Variants in MTUS2 observed in about 807,000 individuals in gnomAD.
MTUS2 encodes microtubule-associated tumor suppressor candidate 2.
MTUS2 carries 40 observed loss-of-function variants against 114.1 expected under a neutral mutation model. That is an observed-to-expected ratio of 0.35 (90% CI 0.27 to 0.46). The LOEUF is 0.46. MTUS2 is among the 20% of genes least tolerant of loss of function. The pLI is 1.00. For missense variants in MTUS2, 1,679 were observed against 1,705.4 expected, an observed-to-expected ratio of 0.98 and a Z score of 0.27; for synonymous variants, 688 against 672.0, an observed-to-expected ratio of 1.02 and a Z score of -0.37.
At chr13:28,958,167 T>C (rs185316035) in intron 2 of MTUS2, among the ~76,000 whole-genome samples, 4 of 152,342 alleles carry the variant, frequency 2.6e-5, no homozygotes, top group Non-Finnish European at 5.9e-5. Flanking sequence ...TGCCTCCTGC[T>C]TAATTAGCAT....
chr13:29,365,625 C>T (rs966512470), intron 8 of MTUS2, among the ~76,000 whole-genome samples: 2 of 151,888 alleles, frequency 1.3e-5, no homozygotes, highest in Non-Finnish European at 2.9e-5. Context: ...AGGTTTTCCC[C>T]AGATCCTGGT....
chr13:29,440,904 C>T (rs1357740272), intron 9 of MTUS2, among the ~76,000 whole-genome samples: 2 of 152,194 alleles, frequency 1.3e-5, no homozygotes, highest in East Asian at 3.8e-4. Context: ...CCAGGGACCA[C>T]AGGCCCTCAG....
chr13:29,202,976 G>A (rs980007054), intron 5 of MTUS2, among the ~76,000 whole-genome samples: 3 of 152,210 alleles, frequency 2.0e-5, no homozygotes, highest in Non-Finnish European at 2.9e-5. Flanking sequence ...CAGTACAGGA[G>A]GCACGGGGGT....
intron 5 of MTUS2, among the ~76,000 whole-genome samples, chr13:29,275,106 T>C (rs773927984): frequency 6.6e-6 from 1 of 152,236 alleles, no homozygotes; most frequent in Non-Finnish European, 1.5e-5. Context: ...TCCCCAATTC[T>C]GAGTCCTTTT....
At position 29,205,416 on chromosome 13, in the gene MTUS2, T is replaced by A. The variant is rs190996128; in HGVS notation, c.2645-76288T>A. Among the ~76,000 whole-genome samples, 27 of 152,148 alleles carry A rather than the reference T, an allele frequency of 1.8e-4. No individual in the cohort carries two copies. In the East Asian group the frequency reaches 4.7e-3, roughly 26 times the overall value. The stretch of plus-strand genomic sequence containing the variant: ...CTCTTTTCGCTTTTGTTTATTTTTT[T>A]AATTATTTCAGTATTTTTTTGGGGA... On this transcript the variant is annotated intron_variant, in intron 5 of 15. Transcript: ENST00000612955.
intron 2 of MTUS2, among the ~76,000 whole-genome samples, chr13:29,004,819 A>G (rs1885534987): frequency 6.6e-6 from 1 of 152,226 alleles, no homozygotes; most frequent in South Asian, 2.1e-4. Flanking sequence ...CCTCGTCTGA[A>G]GGAGCTGGAA....
At chr13:29,347,968 A>G (rs4459414) in intron 7 of MTUS2, among the ~76,000 whole-genome samples, 14,188 of 41,276 alleles carry the variant, frequency 0.34, 5,506 homozygotes, top group Non-Finnish European at 0.7. Flanking sequence ...TCCCAAGTGC[A>G]GGAGCTTGTG....
At chr13:29,380,634 T>TTTGGCTGCTGACTCTCATGCTGGA (rs1872129728) in intron 8 of MTUS2, among the ~76,000 whole-genome samples, 6 of 94,620 alleles carry the variant, frequency 6.3e-5, no homozygotes, top group Admixed American at 1.2e-4. Context: ...AGACATCAGC[T>TTTGGCTGCTGACTCTCATGCTGGA]GGCCGGGCGC....
chr13:29,327,394 C>G (rs1900569533), intron 7 of MTUS2, among the ~76,000 whole-genome samples: 1 of 152,118 alleles, frequency 6.6e-6, no homozygotes, highest in African/African-American at 2.4e-5. Context: ...TACCACCTGC[C>G]TACCATTCTA....
chr13:29,235,875 A>G (rs1896516702), intron 5 of MTUS2, among the ~76,000 whole-genome samples: 1 of 152,172 alleles, frequency 6.6e-6, no homozygotes, highest in Non-Finnish European at 1.5e-5. Context: ...CAACTTTCTC[A>G]ATGATATTTT....
chr13:29,028,896 A>G (rs1341198573), intron 3 of MTUS2, among the ~76,000 whole-genome samples: 1 of 152,166 alleles, frequency 6.6e-6, no homozygotes, highest in African/African-American at 2.4e-5. Context: ...AAAGTGTACC[A>G]AGGGTTTCTA....
At chr13:29,193,456 G>C (rs544455867) in intron 5 of MTUS2, among the ~76,000 whole-genome samples, 6 of 152,056 alleles carry the variant, frequency 3.9e-5, no homozygotes, top group South Asian at 2.1e-4. Context: ...ACCAATAACA[G>C]ACAGAGAGGC....
At position 29,024,830 on chromosome 13, in the gene MTUS2, C is replaced by T. The variant is rs1886438800; in HGVS notation, c.132C>T (p.Val44=). The change falls in exon 3 of 16, where the codon GTC becomes GTT. Residue 44 remains valine, a synonymous_variant. Coordinates refer to ENST00000612955, the MANE Select transcript of MTUS2 (RefSeq NM_001033602.4). The part of the protein sequence containing the change: ...DTNANQIMLE[V]SSSHDESKTC... ...ATGCCAATCAAATCATGTTGGAGGT[C>T]AGCTCCTCTCATGACGAGTCCAAGA... The T allele has an allele frequency of 6.2e-7, 1 of 1,613,884 alleles. No individual in the cohort carries two copies. The highest frequency in any genetic ancestry group is 8.5e-7 in the Non-Finnish European group (1 of 1,179,906).
At position 29,034,020 on chromosome 13, in the gene MTUS2, G is replaced by A. The variant is rs1217722043; in HGVS notation, c.2341G>A (p.Ala781Thr). The A allele has an allele frequency of 6.2e-7, 1 of 1,613,890 alleles. No individual in the cohort carries two copies. Among genetic ancestry groups the A allele is most frequent in the Non-Finnish European group, 8.5e-7 (1 of 1,179,904 alleles). Residue 781 changes from alanine to threonine, a missense_variant, in exon 4 of 16, where the codon GCA becomes ACA. Transcript: ENST00000612955. ...GGGTGCAATGTCCCGTTTACCATCT[G>A]CAAAGAGCAGGATTCTGATTGCAAG... is the stretch of plus-strand genomic sequence containing the variant. ...GLGAMSRLPS[A>T]KSRILIASQR...
Position 29,086,193 on chromosome 13 carries a change from A to T in MTUS2, c.2447-14580A>T, listed in dbSNP as rs148777811. Among the ~76,000 whole-genome samples, 193 of 152,302 alleles carry T rather than the reference A, an allele frequency of 1.3e-3. 1 individual carries two copies. The highest frequency in any genetic ancestry group is 4.3e-3 in the African/African-American group (178 of 41,566). Reference sequence around the variant, plus strand: ...ATTCTGGATATTAGGTCTTTGTTGCATACATAATTTGCTAACATTTTCTCC... The same window carrying T: ...ATTCTGGATATTAGGTCTTTGTTGCTTACATAATTTGCTAACATTTTCTCC... On this transcript the variant is annotated intron_variant, in intron 4 of 15. Transcript: ENST00000612955.
intron 2 of MTUS2, among the ~76,000 whole-genome samples, chr13:28,899,211 G>A (rs3001947): frequency 0.13 from 19,381 of 152,168 alleles, 1,489 homozygotes; most frequent in African/African-American, 0.2. Context: ...ATATCACAAT[G>A]TTAAATCAAG....
intron 7 of MTUS2, among the ~76,000 whole-genome samples, chr13:29,337,435 A>T (rs1901124292): frequency 6.6e-6 from 1 of 152,118 alleles, no homozygotes; most frequent in Admixed American, 6.5e-5. Flanking sequence ...CAGAGGAGGC[A>T]GTGCCCCACC....
At chr13:29,077,575 A>G (rs557321614) in intron 4 of MTUS2, among the ~76,000 whole-genome samples, 1 of 152,094 alleles carries the variant, frequency 6.6e-6, no homozygotes, top group African/African-American at 2.4e-5. Context: ...TCTCACCTCT[A>G]TTCCGGTCCT....
intron 5 of MTUS2, among the ~76,000 whole-genome samples, chr13:29,272,714 CA>C (rs1245043793): frequency 2.6e-5 from 4 of 152,162 alleles, no homozygotes; most frequent in African/African-American, 4.8e-5. Context: ...AAAAATTTTA[CA>C]AGAGAGTTTT....
Sources: allele counts gnomAD v4.1 joint callset (sites outside exome capture counted in the v4.1 genomes callset), GRCh38; gene constraint gnomAD v4.1.1; transcripts MANE v1.5; gene names NCBI Gene and HGNC (gene_info 2026-07-23, HGNC 2026-07-21).